C5orf58: variants seen among roughly 807,000 people sequenced by gnomAD.
C5orf58 encodes chromosome 5 open reading frame 58, also known as putative uncharacterized protein C5orf58.
Under a neutral mutation model 2.9 loss-of-function variants are expected in C5orf58, and 2 were observed. That is an observed-to-expected ratio of 0.69 (90% confidence interval 0.28 to 2.18). The LOEUF is 2.18. Among genes scored for constraint, C5orf58 ranks in the 30% most tolerant of loss-of-function variants. The pLI is 0.13. For synonymous variants in C5orf58, 37 were observed against 33.4 expected, an observed-to-expected ratio of 1.11 and a Z score of -0.37; for missense variants, 96 against 91.7, an observed-to-expected ratio of 1.05 and a Z score of -0.19.
rs1005266398 is a variant in C5orf58, at chr5:170,241,974, G to A, written c.95-3988G>A. Among the ~76,000 whole-genome samples the A allele has an allele frequency of 1.1e-3, 164 of 150,330 alleles. 1 individual carries two copies. Among genetic ancestry groups the A allele is most frequent in the Middle Eastern group, 6.8e-3 (2 of 294 alleles). ...CCCATCAATACCTAATTTATTGAGAGTTTTTAGCATGAAGGGTTGTTGAAT... is the reference window on the plus strand; with the variant it reads ...CCCATCAATACCTAATTTATTGAGAATTTTTAGCATGAAGGGTTGTTGAAT... On this transcript the variant is annotated intron_variant, in intron 3 of 3. Coordinates refer to ENST00000593851, the MANE Select transcript of C5orf58 (RefSeq NM_001102609.3).
In C5orf58 at chr5:170,246,113, A is replaced by G. The variant is rs1761279562; in HGVS notation, c.246A>G (p.Ter82TrpextTer12). Residue 82 changes from the stop codon to tryptophan, a stop_lost, in exon 4 of 4, where the codon TGA becomes TGG. Coordinates refer to ENST00000593851, the MANE Select transcript of C5orf58 (RefSeq NM_001102609.3). Reference protein sequence around the residue: ...VSLVSNSFSI* With the variant: ...VSLVSNSFSIW The stretch of plus-strand genomic sequence containing the variant: ...TTGTTTCTAACAGTTTTTCTATCTG[A>G]TTTCTTATTTGTTATGAGTTTCTGT... 1 of 1,606,248 alleles carries G rather than the reference A, an allele frequency of 6.2e-7. No homozygotes were observed. Among genetic ancestry groups the G allele is most frequent in the Non-Finnish European group, 8.5e-7 (1 of 1,176,100 alleles).
chr5:170,251,898 AT>A (rs1275287116), exon 3 of C5orf58: 5 of 236,886 alleles, frequency 2.1e-5, no homozygotes, highest in Non-Finnish European at 4.5e-5. Context: ...AAGATGAAAG[AT>A]TTTTGCTTTC....
intron 3 of C5orf58, among the ~76,000 whole-genome samples, chr5:170,240,579 A>G (rs944969345): frequency 1.2e-4 from 18 of 151,830 alleles, no homozygotes; most frequent in African/African-American, 4.4e-4. Flanking sequence ...TCTTCTTTTG[A>G]GAAGTGTCTG....
chr5:170,241,539 A>G (rs1294587905), intron 3 of C5orf58, among the ~76,000 whole-genome samples: 1 of 150,760 alleles, frequency 6.6e-6, no homozygotes, highest in African/African-American at 2.5e-5. Context: ...CTTTGAAGCA[A>G]TTGTGAATGG....
chr5:170,239,213 G>T (rs2113101379), intron 3 of C5orf58, among the ~76,000 whole-genome samples: 1 of 152,322 alleles, frequency 6.6e-6, no homozygotes, highest in Non-Finnish European at 1.5e-5. Flanking sequence ...CTGGTGGGTT[G>T]CGTGCAGGAA....
intron 1 of C5orf58, 126 bp from the exon 2 acceptor site, chr5:170,233,989 T>C: frequency 2.3e-6 from 1 of 432,468 alleles, no homozygotes. Flanking sequence ...AAATATCATC[T>C]TTCTTTTTCC....
intron 2 of C5orf58, 115 bp downstream of exon 2, chr5:170,234,313 A>G: frequency 1.9e-6 from 1 of 537,536 alleles, no homozygotes; most frequent in Non-Finnish European, 3.3e-6. Context: ...ATTTTGAGAG[A>G]CTGAACAGCT....
intron 3 of C5orf58, among the ~76,000 whole-genome samples, chr5:170,245,645 C>T (rs895608034): frequency 7.9e-5 from 12 of 152,332 alleles, no homozygotes; most frequent in African/African-American, 2.2e-4. Flanking sequence ...ACACCGTGCG[C>T]GCACCCACTG....
downstream of C5orf58, chr5:170,248,115 T>C (rs1761340329): frequency 6.6e-6 from 1 of 152,356 alleles, no homozygotes; most frequent in Admixed American, 6.5e-5. Context: ...TCCCAGAAGT[T>C]ATCTCAACAT....
At chr5:170,241,561 T>A (rs1348440592) in intron 3 of C5orf58, among the ~76,000 whole-genome samples, 1 of 151,280 alleles carries the variant, frequency 6.6e-6, no homozygotes, top group Non-Finnish European at 1.5e-5. Flanking sequence ...AGTTCACTCA[T>A]GATTTGGCTC....
At chr5:170,240,726 G>A (rs1425895791) in intron 3 of C5orf58, among the ~76,000 whole-genome samples, 3 of 149,418 alleles carry the variant, frequency 2.0e-5, no homozygotes, top group African/African-American at 7.3e-5. Context: ...TTTGTAGGTT[G>A]CCTGTTCACT....
chr5:170,244,348 C>T, intron 3 of C5orf58, among the ~76,000 whole-genome samples: 1 of 151,164 alleles, frequency 6.6e-6, no homozygotes, highest in East Asian at 1.9e-4. Context: ...TGGGGAAGTT[C>T]TCCTGGATAG....
chr5:170,249,362 GTA>G (rs72371153), downstream of C5orf58, among the ~76,000 whole-genome samples: 145 of 107,982 alleles, frequency 1.3e-3, no homozygotes, highest in African/African-American at 3.1e-3. Flanking sequence ...GCATGCGTGT[GTA>G]TATATATATA....
downstream of C5orf58, chr5:170,248,837 G>C (rs1034122430): frequency 6.2e-7 from 1 of 1,610,520 alleles, no homozygotes; most frequent in Non-Finnish European, 8.5e-7. Flanking sequence ...AGTCAAGATA[G>C]GGAGATGAGT....
Position 170,233,006 on chromosome 5 carries a change from A to G in C5orf58, c.-86A>G. 5.1e-6 allele frequency: 5 copies of G among 983,998 alleles called. No homozygotes were observed. Among genetic ancestry groups the G allele is most frequent in the Non-Finnish European group, 6.0e-6 (5 of 828,624 alleles). The allele number at this position is 983,998 out of a possible 1,614,324, so 61.0% of individuals were successfully genotyped here. ...GTCAGAACCTCGGTGACGGTTGGCC[A>G]GGTGGGTAGTGACGGCTGCTCGGTC... is the stretch of plus-strand genomic sequence containing the variant. On this transcript the variant is annotated splice_region_variant and 5_prime_UTR_variant, in exon 1 of 4. Transcript: ENST00000593851.
intron 3 of C5orf58, among the ~76,000 whole-genome samples, chr5:170,240,682 G>A (rs1760963743): frequency 6.6e-6 from 1 of 151,064 alleles, no homozygotes; most frequent in South Asian, 2.1e-4. Flanking sequence ...TTAGCCCTTT[G>A]TCAGATGAGT....
downstream of C5orf58, chr5:170,248,789 A>T (rs1761358461): frequency 6.2e-7 from 1 of 1,612,610 alleles, no homozygotes; most frequent in Non-Finnish European, 8.5e-7. Context: ...TTCCTGAAGT[A>T]GTCAATAATA....
At chr5:170,246,522 T>C (rs1426748661), downstream of C5orf58, 1 of 158,960 alleles carries the variant, frequency 6.3e-6, no homozygotes, top group East Asian at 1.8e-4. Flanking sequence ...GGGATCCCAC[T>C]AATTTGTCCA....
At chr5:170,233,962 C>T in intron 1 of C5orf58, 153 bp from the exon 2 acceptor site, 1 of 376,790 alleles carries the variant, frequency 2.7e-6, no homozygotes. Context: ...TTAATTCCAC[C>T]ACTCCACCCC....
Sources: allele counts gnomAD v4.1 joint callset (sites outside exome capture counted in the v4.1 genomes callset), GRCh38; gene constraint gnomAD v4.1.1; transcripts MANE v1.5; gene names NCBI Gene and HGNC (gene_info 2026-07-23, HGNC 2026-07-21).